The following AUH variants were observed in gnomAD, a reference collection of about 807,000 sequenced individuals.
AUH encodes the protein AU RNA binding methylglutaconyl-CoA hydratase, also known as methylglutaconyl-CoA hydratase, mitochondrial.
A neutral mutation model predicts 42.3 loss-of-function variants in AUH; 29 were observed. That is an observed-to-expected ratio of 0.69 (90% CI 0.51 to 0.93). The LOEUF (loss-of-function observed/expected upper bound fraction) is 0.93, where lower values mean the gene tolerates loss of function less well. Among genes scored for constraint, AUH ranks in the 40% least tolerant of loss-of-function variants. The probability of loss-of-function intolerance (pLI) is 0.00; values close to 1 mark genes in which losing one functional copy is unlikely to be tolerated. For missense variants in AUH, 452 were observed against 438.1 expected (o/e 1.03, Z -0.28); for synonymous variants, 174 against 166.4 (o/e 1.05, Z -0.35).
intron 6 of AUH, among the ~76,000 whole-genome samples, chr9:91,222,849 T>C (rs1258620797): frequency 6.6e-6 from 1 of 152,236 alleles, no homozygotes; most frequent in Non-Finnish European, 1.5e-5. Flanking sequence ...TAATGTAGAC[T>C]GGTCACAATT....
In AUH at chr9:91,306,454, A is replaced by G. The variant is rs559615047; in HGVS notation, c.506-8378T>C. The G allele has an allele frequency of 3.1e-5, 27 of 876,212 alleles. No homozygotes were observed. In the East Asian group the frequency reaches 1.4e-3, roughly 47 times the overall value. 54.3% of individuals were successfully genotyped at this position (876,212 alleles called of 1,614,324 possible). On this transcript the variant is annotated intron_variant, in intron 4 of 9. Transcript: ENST00000375731. ...ATTTCTGATAAAAAGATAACATACC[A>G]TAAGTAGTTTACTTTCACTTGGCAG... is the stretch of plus-strand genomic sequence containing the variant.
In AUH at chr9:91,251,990, G is replaced by A. The variant is rs569967159; in HGVS notation, c.656-30998C>T. On this transcript the variant is annotated intron_variant, in intron 6 of 9. Coordinates refer to ENST00000375731, the MANE Select transcript of AUH (RefSeq NM_001698.3). ...TTCAGGATTTTCTTTTTTTTGAGAC[G>A]GAGTCTTGCTCTGTTGCCCAGGCTG... Among the ~76,000 whole-genome samples the A allele has an allele frequency of 4.0e-5, 6 of 151,352 alleles. No homozygotes were observed. In the South Asian group the frequency reaches 6.3e-4, roughly 16 times the overall value.
chr9:91,352,154 T>C (rs1243429321), intron 3 of AUH, among the ~76,000 whole-genome samples: 1 of 152,040 alleles, frequency 6.6e-6, no homozygotes, highest in Non-Finnish European at 1.5e-5. Context: ...CACACACCTG[T>C]ATCCCAGCTA....
At chr9:91,245,110 C>G (rs1023105235) in intron 6 of AUH, among the ~76,000 whole-genome samples, 8 of 152,060 alleles carry the variant, frequency 5.3e-5, no homozygotes, top group Admixed American at 1.3e-4. Context: ...AGGAAAAAAG[C>G]AACGAGAGAG....
chr9:91,304,179 C>T lies in AUH; in HGVS notation c.506-6103G>A, dbSNP rs550098187. On this transcript the variant is annotated intron_variant, in intron 4 of 9. Transcript: ENST00000375731. The stretch of plus-strand genomic sequence containing the variant: ...CTAACAGATGAAGAGCAGCAACATT[C>T]CTTACAGAAAGGGTCATTATACCAA... Among the ~76,000 whole-genome samples the T allele has an allele frequency of 1.8e-3, 281 of 152,316 alleles. 3 individuals are homozygous for T. Among genetic ancestry groups the T allele is most frequent in the South Asian group, 0.011 (52 of 4,826 alleles).
chr9:91,305,687 C>G lies in AUH; in HGVS notation c.506-7611G>C, dbSNP rs187836711. Reference sequence around the variant, plus strand: ...AGTTTTTACTATGTGTGGCCACTGTCCTAAGAACCTTACAAAGATTACTTA... The same window carrying G: ...AGTTTTTACTATGTGTGGCCACTGTGCTAAGAACCTTACAAAGATTACTTA... On this transcript the variant is annotated intron_variant, in intron 4 of 9. Transcript: ENST00000375731. 2.9e-4 allele frequency among the ~76,000 whole-genome samples: 44 copies of G among 152,270 alleles called. 1 individual carries two copies. The East Asian group carries it at 3.1e-3, about 11-fold the overall frequency.
chr9:91,344,850 T>A (rs564723003), intron 3 of AUH, among the ~76,000 whole-genome samples: 2 of 152,098 alleles, frequency 1.3e-5, no homozygotes, highest in Non-Finnish European at 2.9e-5. Flanking sequence ...TCCAGCAGTA[T>A]ATAAAAAGGA....
chr9:91,241,717 T>A (rs1478146786), intron 6 of AUH, among the ~76,000 whole-genome samples: 1 of 152,162 alleles, frequency 6.6e-6, no homozygotes, highest in Non-Finnish European at 1.5e-5. Context: ...AAGCAAAATG[T>A]CAAACTTAAT....
intron 6 of AUH, among the ~76,000 whole-genome samples, chr9:91,281,427 A>C (rs1825955430): frequency 6.6e-6 from 1 of 152,110 alleles, no homozygotes; most frequent in South Asian, 2.1e-4. Flanking sequence ...TCTGTGTTTC[A>C]GGATGCCTTT....
intron 6 of AUH, among the ~76,000 whole-genome samples, chr9:91,267,052 T>C (rs766033384): frequency 6.6e-6 from 1 of 152,092 alleles, no homozygotes; most frequent in Non-Finnish European, 1.5e-5. Context: ...TGATTATCAG[T>C]CCAGATGGCA....
At chr9:91,346,799 T>C (rs184918889) in intron 3 of AUH, among the ~76,000 whole-genome samples, 13 of 151,438 alleles carry the variant, frequency 8.6e-5, no homozygotes, top group Non-Finnish European at 1.8e-4. Context: ...CAACCAGCTA[T>C]AGATTTGGGG....
chr9:91,350,497 G>A (rs1401605347), intron 3 of AUH, among the ~76,000 whole-genome samples: 3 of 152,068 alleles, frequency 2.0e-5, no homozygotes, highest in Admixed American at 6.6e-5. Flanking sequence ...AGTGGCTCGC[G>A]CCTGTAATCC....
At chr9:91,261,395 G>C (rs1032675738) in intron 6 of AUH, among the ~76,000 whole-genome samples, 3 of 152,130 alleles carry the variant, frequency 2.0e-5, no homozygotes, top group African/African-American at 7.2e-5. Flanking sequence ...ACTTTCTTCA[G>C]GGTGTCCTAC....
chr9:91,347,944 T>TA (rs968235219), intron 3 of AUH, among the ~76,000 whole-genome samples: 1 of 150,412 alleles, frequency 6.6e-6, no homozygotes, highest in Non-Finnish European at 1.5e-5. Flanking sequence ...TGTAAATTTT[T>TA]AAAAAATCAG....
At chr9:91,328,213 C>T (rs1159428442) in intron 3 of AUH, among the ~76,000 whole-genome samples, 1 of 152,162 alleles carries the variant, frequency 6.6e-6, no homozygotes, top group Admixed American at 6.5e-5. Context: ...ACGCGCTCTC[C>T]TTGGCTGGCA....
intron 6 of AUH, among the ~76,000 whole-genome samples, chr9:91,276,301 G>A (rs1825537905): frequency 6.6e-6 from 1 of 151,702 alleles, no homozygotes; most frequent in Non-Finnish European, 1.5e-5. Context: ...TGTGGTGGCG[G>A]ACGCCTGTAA....
chr9:91,309,739 C>A (rs1828554558), intron 4 of AUH, among the ~76,000 whole-genome samples: 1 of 152,142 alleles, frequency 6.6e-6, no homozygotes, highest in Non-Finnish European at 1.5e-5. Context: ...GTGATGGGTT[C>A]ACTAGGAGCC....
chr9:91,243,545 A>G lies in AUH; in HGVS notation c.656-22553T>C, dbSNP rs1160523640. Among the ~76,000 whole-genome samples, 4 of 152,182 alleles carry G rather than the reference A, an allele frequency of 2.6e-5. No individual in the cohort carries two copies. In the East Asian group the frequency reaches 7.7e-4, roughly 29 times the overall value. On this transcript the variant is annotated intron_variant, in intron 6 of 9. Transcript: ENST00000375731. ...CTGCAGATCTTCCTCCTCGCTTTCTATTCTCTGTGCTGGCCCACCTCAATC... is the reference window on the plus strand; with the variant it reads ...CTGCAGATCTTCCTCCTCGCTTTCTGTTCTCTGTGCTGGCCCACCTCAATC...
intron 6 of AUH, among the ~76,000 whole-genome samples, chr9:91,236,474 TA>T (rs1423938904): frequency 1.3e-5 from 2 of 152,168 alleles, no homozygotes. Context: ...AGAAAGTGAT[TA>T]TCACAAAGAA....
Sources: allele counts gnomAD v4.1 joint callset (sites outside exome capture counted in the v4.1 genomes callset), GRCh38; gene constraint gnomAD v4.1.1; transcripts MANE v1.5; gene names NCBI Gene and HGNC (gene_info 2026-07-23, HGNC 2026-07-21).